RBFOX1: variants seen among roughly 807,000 people sequenced by gnomAD.
RBFOX1 encodes RNA binding protein fox-1 homolog 1.
In RBFOX1, 8 loss-of-function variants were observed where a neutral mutation model predicts 57.7. The observed-to-expected ratio is 0.14, with a 90% confidence interval of 0.08 to 0.25. The LOEUF (loss-of-function observed/expected upper bound fraction) is 0.25, where lower values mean the gene tolerates loss of function less well. Among genes scored for constraint, RBFOX1 ranks in the 10% least tolerant of loss-of-function variants. The probability of loss-of-function intolerance (pLI) is 1.00; values close to 1 mark genes in which losing one functional copy is unlikely to be tolerated. For missense variants in RBFOX1, 611 were observed against 548.5 expected, an observed-to-expected ratio of 1.11 and a Z score of -1.14; for synonymous variants, 326 against 222.4, an observed-to-expected ratio of 1.47 and a Z score of -4.15.
intron 2 of RBFOX1, among the ~76,000 whole-genome samples, chr16:5,532,690 T>C (rs771416817): frequency 2.0e-5 from 3 of 152,346 alleles, no homozygotes; most frequent in Admixed American, 6.5e-5. Flanking sequence ...GCTCTGAGCT[T>C]GCTGGCTCAT....
intron 3 of RBFOX1, among the ~76,000 whole-genome samples, chr16:5,631,945 C>T (rs2048523137): frequency 6.6e-6 from 1 of 152,180 alleles, no homozygotes; most frequent in Admixed American, 6.5e-5. Flanking sequence ...ATGGCATCCC[C>T]AAGTAGGAAA....
chr16:7,086,922 C>T (rs912737101), intron 4 of RBFOX1, among the ~76,000 whole-genome samples: 10 of 152,172 alleles, frequency 6.6e-5, no homozygotes, highest in Admixed American at 1.3e-4. Flanking sequence ...GCCCATCCCC[C>T]GGCCCTCCTT....
chr16:5,270,643 G>T, intron 1 of RBFOX1: 1 of 557,424 alleles, frequency 1.8e-6, no homozygotes, highest in Non-Finnish European at 3.4e-6. Context: ...CTTATGCTCA[G>T]CACCAACAGT....
At position 7,563,452 on chromosome 16, in the gene RBFOX1, T is replaced by TTA. The variant is rs200234911; in HGVS notation, c.271-16316_271-16315dup. On this transcript the variant is annotated intron_variant, in intron 5 of 15. Coordinates refer to ENST00000550418, the MANE Select transcript of RBFOX1 (RefSeq NM_018723.4). ...ATGTGTCTTGTTGTTATTGCTATTG[T>TTA]TATATATATACATGTTTTTTTCTTT... Among the ~76,000 whole-genome samples, 8 of 152,244 alleles carry TTA rather than the reference T, an allele frequency of 5.3e-5. No individual in the cohort carries two copies. The East Asian group carries it at 5.8e-4, about 11-fold the overall frequency.
At chr16:7,662,584 T>G (rs1483555784) in intron 12 of RBFOX1, among the ~76,000 whole-genome samples, 2 of 152,174 alleles carry the variant, frequency 1.3e-5, no homozygotes, top group African/African-American at 4.8e-5. Flanking sequence ...AGCCACAGGG[T>G]GTAGCTTTTA....
At chr16:6,681,159 A>G (rs9934496) in intron 3 of RBFOX1, among the ~76,000 whole-genome samples, 97,511 of 151,752 alleles carry the variant, frequency 0.64, 33,905 homozygotes, top group East Asian at 0.78. Flanking sequence ...TAAAAATACA[A>G]AAATTAGCCA....
At chr16:7,142,464 G>C (rs1190362694) in intron 4 of RBFOX1, among the ~76,000 whole-genome samples, 1 of 152,106 alleles carries the variant, frequency 6.6e-6, no homozygotes, top group Non-Finnish European at 1.5e-5. Flanking sequence ...GGCTTCCTGA[G>C]AGTCCCTGGA....
chr16:5,958,109 G>C (rs1468552), intron 4 of RBFOX1, among the ~76,000 whole-genome samples: 84,165 of 152,078 alleles, frequency 0.55, 24,862 homozygotes, highest in African/African-American at 0.77. Context: ...AATGAGAATA[G>C]TGATGGCACT....
At chr16:5,318,616 C>G (rs2151242306) in intron 1 of RBFOX1, among the ~76,000 whole-genome samples, 1 of 152,314 alleles carries the variant, frequency 6.6e-6, no homozygotes, top group African/African-American at 2.4e-5. Flanking sequence ...AAACAAAACA[C>G]TTTATCATAT....
At chr16:7,476,306 C>A (rs1036277775) in intron 4 of RBFOX1, among the ~76,000 whole-genome samples, 6 of 152,214 alleles carry the variant, frequency 3.9e-5, no homozygotes. Context: ...CTTACCCTCA[C>A]AATTACAAGC....
At chr16:7,046,634 G>A (rs2048062595) in intron 3 of RBFOX1, among the ~76,000 whole-genome samples, 1 of 142,770 alleles carries the variant, frequency 7.0e-6, no homozygotes, top group South Asian at 2.3e-4. Context: ...TTTGGAGTTG[G>A]GGAGTACAGA....
At chr16:6,277,780 AG>A (rs1232008694) in intron 1 of RBFOX1, among the ~76,000 whole-genome samples, 2 of 151,892 alleles carry the variant, frequency 1.3e-5, no homozygotes, top group African/African-American at 2.4e-5. Context: ...TACAGAGAAG[AG>A]GGGTGGCAAT....
chr16:5,404,826 T>C (rs1260784064), intron 1 of RBFOX1, among the ~76,000 whole-genome samples: 1 of 152,100 alleles, frequency 6.6e-6, no homozygotes, highest in Non-Finnish European at 1.5e-5. Flanking sequence ...CCAAAGCAGT[T>C]GAGAGAGAGC....
intron 10 of RBFOX1, among the ~76,000 whole-genome samples, chr16:7,613,277 A>G (rs1323464649): frequency 1.3e-5 from 2 of 152,208 alleles, no homozygotes; most frequent in African/African-American, 4.8e-5. Flanking sequence ...AATGACAGGA[A>G]CTAAAAATGC....
At chr16:5,963,181 T>A (rs74908511) in intron 4 of RBFOX1, among the ~76,000 whole-genome samples, 4,516 of 152,236 alleles carry the variant, frequency 0.03, 154 homozygotes, top group East Asian at 0.16. Flanking sequence ...ACATCCGTCT[T>A]TATAGGTTAG....
In RBFOX1 at chr16:6,526,592, A is replaced by C. The variant is rs562641882; in HGVS notation, c.-63-128011A>C. On this transcript the variant is annotated intron_variant, in intron 2 of 15. Transcript: ENST00000550418. ...ATGCCTGTAATCCCAGCACTTTGGG[A>C]GGTGGAGGTGGGCAGATCACGAGGT... 2.0e-3 allele frequency among the ~76,000 whole-genome samples: 306 copies of C among 152,132 alleles called. 9 individuals carry two copies. The highest frequency in any genetic ancestry group is 5.9e-4 in the Non-Finnish European group (40 of 67,978).
intron 1 of RBFOX1, among the ~76,000 whole-genome samples, chr16:6,101,227 C>G (rs2096303820): frequency 1.3e-5 from 2 of 152,180 alleles, no homozygotes; most frequent in Non-Finnish European, 1.5e-5. Context: ...CTCACTTTCC[C>G]CTTCTCTGTC....
At chr16:7,210,887 G>A (rs919706043) in intron 4 of RBFOX1, among the ~76,000 whole-genome samples, 5 of 151,732 alleles carry the variant, frequency 3.3e-5, no homozygotes, top group African/African-American at 1.2e-4. Flanking sequence ...TGCCAAAAGG[G>A]TAGATTCTAG....
At chr16:7,589,005 A>G (rs1341521088) in intron 7 of RBFOX1, among the ~76,000 whole-genome samples, 1 of 152,196 alleles carries the variant, frequency 6.6e-6, no homozygotes, top group Non-Finnish European at 1.5e-5. Context: ...AGCTCCAGAT[A>G]TTTTACAATC....
Sources: gnomAD v4.1 joint callset for allele counts (sites outside exome capture counted in the v4.1 genomes callset) on GRCh38, gnomAD v4.1.1 for gene constraint, MANE v1.5 for transcripts, NCBI Gene and HGNC (gene_info 2026-07-23, HGNC 2026-07-21) for gene names.